The following NECTIN1 variants were observed in gnomAD, a reference collection of about 807,000 sequenced individuals.
The protein encoded by NECTIN1 is nectin cell adhesion molecule 1.
A neutral mutation model predicts 48.0 loss-of-function variants in NECTIN1; 23 were observed. That is an observed-to-expected ratio of 0.48 (90% CI 0.34 to 0.68). NECTIN1 has a LOEUF of 0.68. Among genes scored for constraint, NECTIN1 ranks in the 30% least tolerant of loss-of-function variants. NECTIN1 has a pLI of 0.01. For missense variants in NECTIN1, 591 were observed against 709.9 expected, an observed-to-expected ratio of 0.83 and a Z score of 1.90; for synonymous variants, 270 against 288.9, an observed-to-expected ratio of 0.93 and a Z score of 0.66.
At chr11:119,707,576 T>C (rs968571979) in intron 1 of NECTIN1, among the ~76,000 whole-genome samples, 1 of 152,108 alleles carries the variant, frequency 6.6e-6, no homozygotes, top group Admixed American at 6.5e-5. Flanking sequence ...CTAGGTCCAG[T>C]CATACCCCAC....
At chr11:119,719,106 C>A (rs570135413) in intron 1 of NECTIN1, among the ~76,000 whole-genome samples, 1 of 152,268 alleles carries the variant, frequency 6.6e-6, no homozygotes, top group African/African-American at 2.4e-5. Flanking sequence ...CCACTTGTGG[C>A]GTCATGTCGG....
intron 1 of NECTIN1, among the ~76,000 whole-genome samples, chr11:119,721,913 A>C (rs143535541): frequency 0.013 from 2,018 of 152,220 alleles, 24 homozygotes; most frequent in Non-Finnish European, 0.024. Context: ...TCCAACCTAT[A>C]TCCTCAACTT....
intron 1 of NECTIN1, among the ~76,000 whole-genome samples, chr11:119,721,699 C>T (rs972608615): frequency 5.9e-5 from 9 of 152,280 alleles, no homozygotes; most frequent in Admixed American, 3.3e-4. Context: ...TGCTCCGGGC[C>T]AGGCCCACAC....
chr11:119,668,247 T>C (rs1261757707), intron 5 of NECTIN1, among the ~76,000 whole-genome samples: 7 of 152,186 alleles, frequency 4.6e-5, no homozygotes, highest in African/African-American at 1.7e-4. Flanking sequence ...GTCACCACCA[T>C]GGAACTTATG....
intron 5 of NECTIN1, among the ~76,000 whole-genome samples, chr11:119,671,894 C>T (rs542770454): frequency 1.3e-5 from 2 of 152,362 alleles, no homozygotes; most frequent in South Asian, 2.1e-4. Flanking sequence ...GAGAATGGCA[C>T]GTTGCCACGG....
At chr11:119,660,961 T>C (rs1349913208), downstream of NECTIN1, 2 of 953,286 alleles carry the variant, frequency 2.1e-6, no homozygotes, top group Non-Finnish European at 2.5e-6. Context: ...CCCACTGCCA[T>C]GGAGCAGGGC....
intron 1 of NECTIN1, among the ~76,000 whole-genome samples, chr11:119,699,543 G>A (rs1407016786): frequency 6.6e-6 from 1 of 152,198 alleles, no homozygotes; most frequent in Non-Finnish European, 1.5e-5. Flanking sequence ...TGGCGGGCAG[G>A]CACGGCTGGG....
intron 1 of NECTIN1, among the ~76,000 whole-genome samples, chr11:119,724,751 T>TG (rs761675182): frequency 1.1e-4 from 16 of 152,070 alleles, no homozygotes; most frequent in Non-Finnish European, 2.1e-4. Flanking sequence ...ACACACACAG[T>TG]GAATGGTAGA....
At chr11:119,722,529 C>T (rs1865849065) in intron 1 of NECTIN1, among the ~76,000 whole-genome samples, 1 of 152,238 alleles carries the variant, frequency 6.6e-6, no homozygotes, top group Non-Finnish European at 1.5e-5. Context: ...GGCAATGGTG[C>T]CCCAGCTGGG....
At chr11:119,713,295 T>A (rs983530519) in intron 1 of NECTIN1, among the ~76,000 whole-genome samples, 6 of 151,580 alleles carry the variant, frequency 4.0e-5, no homozygotes, top group Non-Finnish European at 8.8e-5. Flanking sequence ...AGGGCAGGGG[T>A]AGGTGTGGGG....
At position 119,664,752 on chromosome 11, in the gene NECTIN1, C is replaced by G; in HGVS notation, c.1549G>C (p.Val517Leu). ...GSFISKKEWY[V>L] is the part of the protein sequence containing the mutation. ...CAGAGGCTCTGGAAGGGGGGCTACA[C>G]GTACCACTCCTTCTTGGAAATGAAA... is the stretch of plus-strand genomic sequence containing the variant. The change falls in exon 6 of 6, where the codon GTG (valine) becomes CTG (leucine). Residue 517 changes from valine to leucine, a missense_variant. Physicochemically the swap from Val to Leu is conservative, Grantham distance 32. Transcript: ENST00000264025. 1 of 1,609,852 alleles carries G rather than the reference C, an allele frequency of 6.2e-7. No individual in the cohort carries two copies. The highest frequency in any genetic ancestry group is 8.5e-7 in the Non-Finnish European group (1 of 1,177,766).
At chr11:119,674,487 A>G in intron 5 of NECTIN1, 1 of 1,612,628 alleles carries the variant, frequency 6.2e-7, no homozygotes, top group Non-Finnish European at 8.5e-7. Flanking sequence ...TTCAAGGTAC[A>G]TCATACTGTC....
At chr11:119,680,580 G>A (rs746537325) in intron 1 of NECTIN1, among the ~76,000 whole-genome samples, 5 of 152,192 alleles carry the variant, frequency 3.3e-5, no homozygotes, top group Non-Finnish European at 4.4e-5. Context: ...TCTTCCGCTC[G>A]AGAGGCCACA....
In NECTIN1 at chr11:119,672,918, C is replaced by T. The variant is rs1262261666; in HGVS notation, c.1003+2241G>A. 3.9e-5 allele frequency among the ~76,000 whole-genome samples: 6 copies of T among 152,186 alleles called. No homozygotes were observed. Among genetic ancestry groups the T allele is most frequent in the South Asian group, 2.1e-4 (1 of 4,828 alleles). On this transcript the variant is annotated intron_variant, in intron 5 of 5. Transcript: ENST00000264025. This position sits in a 1 kb window ranked among gnomAD's most constrained non-coding sequence, Gnocchi z 4.3. ...CCAGCACACACGTGTTCTGCATATG[C>T]GTGTCCCTCCAGCACACCCCCTGCT...
At chr11:119,681,418 C>T (rs1028954049) in intron 1 of NECTIN1, among the ~76,000 whole-genome samples, 14 of 152,226 alleles carry the variant, frequency 9.2e-5, no homozygotes, top group African/African-American at 3.1e-4. Flanking sequence ...CAACGGGACA[C>T]GGCCCTCTGA....
At chr11:119,721,429 C>T (rs933710614) in intron 1 of NECTIN1, among the ~76,000 whole-genome samples, 3 of 152,244 alleles carry the variant, frequency 2.0e-5, no homozygotes, top group Admixed American at 6.5e-5. Flanking sequence ...TGTTTTGCTG[C>T]CTGGGCCACG....
chr11:119,677,287 G>T lies in NECTIN1; in HGVS notation c.734-68C>A. The T allele has an allele frequency of 7.3e-7, 1 of 1,369,784 alleles. No individual in the cohort carries two copies. Among genetic ancestry groups the T allele is most frequent in the Non-Finnish European group, 1.0e-6 (1 of 959,988 alleles). 84.9% of individuals were successfully genotyped at this position (1,369,784 alleles called of 1,614,324 possible). On this transcript the variant is annotated intron_variant, in intron 3 of 5. Transcript: ENST00000264025. The surrounding 1 kb of genome is among the most constrained non-coding windows in gnomAD (Gnocchi z 5.4). ...CGGGACTTAGAACAAGGGAACTTCA[G>T]CCAGGAAGGGATGGAAGGAGCAGTG...
At chr11:119,724,214 GC>G (rs1416551979) in intron 1 of NECTIN1, among the ~76,000 whole-genome samples, 1 of 152,230 alleles carries the variant, frequency 6.6e-6, no homozygotes, top group Non-Finnish European at 1.5e-5. Context: ...AAGCAAAGAT[GC>G]CAAATTAGGA....
Position 119,678,788 on chromosome 11 carries a change from G to A in NECTIN1, c.80-23C>T, listed in dbSNP as rs545060146. 1.3e-6 allele frequency: 2 copies of A among 1,561,246 alleles called. No homozygotes were observed. Among genetic ancestry groups the A allele is most frequent in the Middle Eastern group, 1.8e-4 (1 of 5,678 alleles). Reference sequence around the variant, plus strand: ...CGCCTGGCCAGGAGGATGGCAGCAAGTGGTCAGTGTCAGGCACAGCCTCCC... The same window carrying A: ...CGCCTGGCCAGGAGGATGGCAGCAAATGGTCAGTGTCAGGCACAGCCTCCC... On this transcript the variant is annotated intron_variant, in intron 1 of 5. Coordinates refer to ENST00000264025, the MANE Select transcript of NECTIN1 (RefSeq NM_002855.5). The surrounding 1 kb of genome is among the most constrained non-coding windows in gnomAD (Gnocchi z 4.4).
Sources: gnomAD v4.1 joint callset for allele counts (sites outside exome capture counted in the v4.1 genomes callset) on GRCh38, gnomAD v4.1.1 for gene constraint, Gnocchi (gnomAD v3.1) non-coding constraint, MANE v1.5 for transcripts, NCBI Gene and HGNC (gene_info 2026-07-23, HGNC 2026-07-21) for gene names.